BARX1: variants seen among roughly 807,000 people sequenced by gnomAD.
The protein encoded by BARX1 is BARX homeobox 1.
In BARX1, 10 loss-of-function variants were observed where a neutral mutation model predicts 19.6. That is an observed-to-expected ratio of 0.51 (90% CI 0.31 to 0.86). BARX1 has a LOEUF of 0.86. Ranked by LOEUF, BARX1 falls within the 40% of genes least tolerant of loss-of-function variation. The pLI is 0.04. For synonymous variants in BARX1, 177 were observed against 170.0 expected (o/e 1.04, Z -0.32); for missense variants, 309 against 360.4 (o/e 0.86, Z 1.15).
intron 1 of BARX1, 198 bp from the exon 2 acceptor site, chr9:93,953,385 A>C (rs1186111501): frequency 1.7e-6 from 1 of 602,290 alleles, no homozygotes; most frequent in African/African-American, 2.0e-5. Flanking sequence ...TTTGGGAGGG[A>C]GTATCTCCTC....
chr9:93,952,870 C>T (rs1698949013), intron 2 of BARX1, 26 bp downstream of exon 2: 1 of 1,611,822 alleles, frequency 6.2e-7, no homozygotes, highest in Non-Finnish European at 8.5e-7. Context: ...CCACAGCCCG[C>T]TGGCCCCAGC....
In BARX1 at chr9:93,952,719, GCA is replaced by G; in HGVS notation, c.600+8_600+9del. 6.2e-7 allele frequency: 1 copy of G among 1,613,590 alleles called. No homozygotes were observed. The highest frequency in any genetic ancestry group is 1.7e-5 in the Admixed American group (1 of 60,030). Reference sequence around the variant, plus strand: ...AAGCTGAGGGGTGGGAAGCCACCAGGCACACTCACTATTTTCTTCCACTTCAT... The same window carrying G: ...AAGCTGAGGGGTGGGAAGCCACCAGGCACTCACTATTTTCTTCCACTTCAT... On this transcript the variant is annotated splice_region_variant and intron_variant, in intron 3 of 3. Transcript: ENST00000253968.
At position 93,952,081 on chromosome 9, in the gene BARX1, G is replaced by T; in HGVS notation, c.*83C>A. On this transcript the variant is annotated 3_prime_UTR_variant, in exon 4 of 4. Coordinates refer to ENST00000253968, the MANE Select transcript of BARX1 (RefSeq NM_021570.4). ...CTTAGGAAGTAAACTTCTTGGACGC[G>T]GAAGGGCCGGCTCGCGGGTTTCCGC... 6.6e-7 allele frequency: 1 copy of T among 1,505,614 alleles called. No individual in the cohort carries two copies. The highest frequency in any genetic ancestry group is 8.9e-7 in the Non-Finnish European group (1 of 1,123,590). The allele number at this position is 1,505,614 out of a possible 1,614,324, so 93.3% of individuals were successfully genotyped here. A position where few individuals can be genotyped will look rare whatever the true frequency, so the allele number is the denominator to read the frequency against.
chr9:93,955,221 G>C lies in BARX1; in HGVS notation c.-75C>G. ...CTTGGCTCCGGCGCGGGGCCCGCGC[G>C]GGGCTCTAGGCCGGCCCGCAGCTCG... is the stretch of plus-strand genomic sequence containing the variant. On this transcript the variant is annotated 5_prime_UTR_variant, in exon 1 of 4. Coordinates refer to ENST00000253968, the MANE Select transcript of BARX1 (RefSeq NM_021570.4). The surrounding 1 kb of genome is among the most constrained non-coding windows in gnomAD (Gnocchi z 4.4). 2 of 691,676 alleles carry C rather than the reference G, an allele frequency of 2.9e-6. No homozygotes were observed. Among genetic ancestry groups the C allele is most frequent in the Non-Finnish European group, 3.5e-6 (2 of 564,778 alleles). 42.8% of individuals were successfully genotyped at this position (691,676 alleles called of 1,614,324 possible).
Position 93,952,337 on chromosome 9 carries a change from G to T in BARX1, c.601-9C>A, listed in dbSNP as rs1200572118. The T allele has an allele frequency of 6.2e-7, 1 of 1,603,876 alleles. No individual in the cohort carries two copies. Among genetic ancestry groups the T allele is most frequent in the Non-Finnish European group, 8.5e-7 (1 of 1,178,878 alleles). On this transcript the variant is annotated splice_polypyrimidine_tract_variant and intron_variant, in intron 3 of 3. Transcript: ENST00000253968. ...CCGCCGCCCTGCAGCACCTGCACGG[G>T]GGACCGCCAGCACCTGGGTGAGCCA...
At chr9:93,953,267 G>C (rs919787316) in intron 1 of BARX1, 80 bp from the exon 2 acceptor site, 463 of 1,405,000 alleles carry the variant, frequency 3.3e-4, no homozygotes, top group Non-Finnish European at 4.2e-4. Context: ...CACGTGCCGC[G>C]GGGGTGCTCG....
At chr9:93,953,322 G>T in intron 1 of BARX1, 135 bp from the exon 2 acceptor site, 1 of 1,060,842 alleles carries the variant, frequency 9.4e-7, no homozygotes, top group South Asian at 1.8e-5. Context: ...CGCCCTGCCG[G>T]TCGGCGCCGG....
rs1430709999 is a variant in BARX1 at position 93,951,877 on chromosome 9, A to AT, written c.*286dup. ...GGTGCAGGCGAGGAGCGGGGCGTGA[A>AT]TACGCGTGGAGCGCTCTGCGCCACG... On this transcript the variant is annotated 3_prime_UTR_variant, in exon 4 of 4. Transcript: ENST00000253968. 1.5e-5 allele frequency: 6 copies of AT among 403,964 alleles called. No individual in the cohort carries two copies. 25.0% of individuals were successfully genotyped at this position (403,964 alleles called of 1,614,324 possible). A position where few individuals can be genotyped will look rare whatever the true frequency, so the allele number is the denominator to read the frequency against.
Position 93,951,858 on chromosome 9 carries a change from G to T in BARX1, c.*306C>A. On this transcript the variant is annotated 3_prime_UTR_variant, in exon 4 of 4. Coordinates refer to ENST00000253968, the MANE Select transcript of BARX1 (RefSeq NM_021570.4). ...AGGCCCCAGACGGGGTGGGGGTGCAGGCGAGGAGCGGGGCGTGAATACGCG... is the reference window on the plus strand; with the variant it reads ...AGGCCCCAGACGGGGTGGGGGTGCATGCGAGGAGCGGGGCGTGAATACGCG... 2.8e-6 allele frequency: 1 copy of T among 352,798 alleles called. No homozygotes were observed. The highest frequency in any genetic ancestry group is 5.2e-6 in the Non-Finnish European group (1 of 190,772). The allele number at this position is 352,798 out of a possible 1,614,324, so 21.9% of individuals were successfully genotyped here. A position where few individuals can be genotyped will look rare whatever the true frequency, so the allele number is the denominator to read the frequency against.
At chr9:93,952,540 G>C (rs1439109352) in intron 3 of BARX1, among the ~76,000 whole-genome samples, 189 bp downstream of exon 3, 1 of 152,234 alleles carries the variant, frequency 6.6e-6, no homozygotes, top group African/African-American at 2.4e-5. Flanking sequence ...TGAAGGTGCC[G>C]CGGGAAAGGA....
chr9:93,952,195 C>T lies in BARX1; in HGVS notation c.734G>A (p.Gly245Asp). ...CTCGCGGCTCCTGTCGCTGGGCTCG[C>T]CCGGCACCTCCGCCGGTTTCTCTGC... ...KDAEKPAEVP[G>D]EPSDRSRED is the part of the protein sequence containing the mutation. Residue 245 changes from glycine (G) to aspartate (D), a missense_variant, in exon 4 of 4, where the codon GGC becomes GAC. By Grantham distance (94) the Gly-to-Asp change is moderately conservative. Around this residue, in one of 3 missense-constraint regions of BARX1, gnomAD observed 71 missense variants for 80.4 expected, o/e 0.88. Transcript: ENST00000253968. 6.2e-7 allele frequency: 1 copy of T among 1,609,982 alleles called. No homozygotes were observed. The highest frequency in any genetic ancestry group is 8.5e-7 in the Non-Finnish European group (1 of 1,179,850).
intron 1 of BARX1, among the ~76,000 whole-genome samples, chr9:93,954,362 C>T (rs73519470): frequency 6.6e-6 from 1 of 152,250 alleles, no homozygotes; most frequent in Admixed American, 6.5e-5. Context: ...CACAGTCAGG[C>T]CTCTGGCCCC....
intron 3 of BARX1, 100 bp downstream of exon 3, chr9:93,952,629 T>C (rs1829116239): frequency 1.5e-6 from 2 of 1,332,864 alleles, no homozygotes; most frequent in East Asian, 2.3e-5. Flanking sequence ...AATCGGGGGG[T>C]TGGGCAGAGT....
chr9:93,952,832 AC>A lies in BARX1; in HGVS notation c.516-20del. The A allele has an allele frequency of 6.2e-7, 1 of 1,613,952 alleles. No homozygotes were observed. Among genetic ancestry groups the A allele is most frequent in the Non-Finnish European group, 8.5e-7 (1 of 1,179,984 alleles). ...ATCTATTCTGGAAAGAGCAGGGCGCACCCTCAGCAAGGCAAGTGACCACACT... is the reference window on the plus strand; with the variant it reads ...ATCTATTCTGGAAAGAGCAGGGCGCACCTCAGCAAGGCAAGTGACCACACT... On this transcript the variant is annotated intron_variant, in intron 2 of 3. Transcript: ENST00000253968.
rs1361139386 is a variant in BARX1 at position 93,953,117 on chromosome 9, G to C, written c.294C>G (p.Ser98Arg). 6.4e-7 allele frequency: 1 copy of C among 1,559,886 alleles called. No individual in the cohort carries two copies. The highest frequency in any genetic ancestry group is 2.4e-5 in the East Asian group (1 of 41,580). ...CGGGCCCTGCCGCCAGCAACGCAGA[G>C]CTCAGCCCTGAACAGCCCAGCGGCG... Reference protein sequence around the residue: ...PLAPLGCSGLSSALLAAGPGL... With the variant: ...PLAPLGCSGLRSALLAAGPGL... Residue 98 changes from serine to arginine, a missense_variant, in exon 2 of 4, where the codon AGC (serine) becomes AGG (arginine). Ser to Arg is a moderately radical substitution (Grantham distance 110). Coordinates refer to ENST00000253968, the MANE Select transcript of BARX1 (RefSeq NM_021570.4).
chr9:93,954,475 G>T (rs1477238067), intron 1 of BARX1, among the ~76,000 whole-genome samples: 1 of 152,186 alleles, frequency 6.6e-6, no homozygotes, highest in Non-Finnish European at 1.5e-5. Context: ...TCAGCACCCA[G>T]CCCTCGGGAG....
rs765995311 is a variant in BARX1, at chr9:93,952,926, T to G, written c.485A>C (p.Glu162Ala). Residue 162 changes from glutamate (E) to alanine (A), a missense_variant, in exon 2 of 4, where the codon GAG becomes GCG. Transcript: ENST00000253968. Reference sequence around the variant, plus strand: ...CGGCGTGGAAAGGTACTTCTGCTTCTCGAAGCGTTTCTCCAGGCCCATCAG... The same window carrying G: ...CGGCGTGGAAAGGTACTTCTGCTTCGCGAAGCGTTTCTCCAGGCCCATCAG... Reference protein sequence around the residue: ...LQLMGLEKRFEKQKYLSTPDR... With the variant: ...LQLMGLEKRFAKQKYLSTPDR... The G allele has an allele frequency of 5.7e-6, 9 of 1,581,862 alleles. No homozygotes were observed. In the East Asian group the frequency reaches 9.3e-5, roughly 16 times the overall value.
Position 93,954,986 on chromosome 9 carries a change from C to T in BARX1, c.161G>A (p.Gly54Asp). ...CTGCACGCCGAACTTCAGCAGCTCG[C>T]CCGCCGCGGCAGCGGCGGCTGCGGG... is the stretch of plus-strand genomic sequence containing the variant. Reference protein sequence around the residue: ...AAPAAAAAAAGELLKFGVQAL... With the variant: ...AAPAAAAAAADELLKFGVQAL... The change falls in exon 1 of 4, where the codon GGC becomes GAC. Residue 54 changes from glycine to aspartate, a missense_variant. Coordinates refer to ENST00000253968, the MANE Select transcript of BARX1 (RefSeq NM_021570.4). The T allele has an allele frequency of 7.1e-7, 1 of 1,399,652 alleles. No homozygotes were observed. Among genetic ancestry groups the T allele is most frequent in the Non-Finnish European group, 9.3e-7 (1 of 1,078,640 alleles). The allele number at this position is 1,399,652 out of a possible 1,614,324, so 86.7% of individuals were successfully genotyped here.
intron 1 of BARX1, 34 bp downstream of exon 1, chr9:93,954,890 G>A: frequency 1.6e-6 from 2 of 1,277,242 alleles, no homozygotes; most frequent in Non-Finnish European, 9.9e-7. Flanking sequence ...CTCCCGCCAA[G>A]CCCGGCCCGC....
Sources: allele counts gnomAD v4.1 joint callset (sites outside exome capture counted in the v4.1 genomes callset), GRCh38; gene constraint gnomAD v4.1.1; regional missense constraint gnomAD v4.1.1; non-coding constraint Gnocchi (gnomAD v3.1); transcripts MANE v1.5; gene names NCBI Gene and HGNC (gene_info 2026-07-23, HGNC 2026-07-21).